ANO2: variants seen among roughly 807,000 people sequenced by gnomAD.
ANO2 encodes anoctamin 2, also known as anoctamin-2.
A neutral mutation model predicts 124.2 loss-of-function variants in ANO2; 101 were observed. The ratio of observed to expected loss-of-function variants is 0.81; its 90% CI spans 0.69 to 0.96. The LOEUF is 0.96. Among genes scored for constraint, ANO2 ranks in the 40% least tolerant of loss-of-function variants. The probability of loss-of-function intolerance (pLI) is 0.00; values close to 1 mark genes in which losing one functional copy is unlikely to be tolerated. For missense variants in ANO2, 1,293 were observed against 1,274.5 expected (o/e 1.01, Z -0.22); for synonymous variants, 486 against 482.5 (o/e 1.01, Z -0.09).
chr12:5,595,814 T>C (rs1943632550), intron 20 of ANO2, among the ~76,000 whole-genome samples: 1 of 152,180 alleles, frequency 6.6e-6, no homozygotes, highest in Non-Finnish European at 1.5e-5. Context: ...GAGTCTAGAA[T>C]ATTCAGGTCA....
At chr12:5,737,829 G>A (rs745775915) in intron 13 of ANO2, among the ~76,000 whole-genome samples, 3 of 152,152 alleles carry the variant, frequency 2.0e-5, no homozygotes, top group Non-Finnish European at 4.4e-5. Context: ...CGCAAGAAAT[G>A]CAACTGTCTT....
chr12:5,923,039 CAT>C (rs1192793884), intron 1 of ANO2, among the ~76,000 whole-genome samples: 4 of 146,036 alleles, frequency 2.7e-5, no homozygotes, highest in African/African-American at 7.9e-5. Context: ...CATACACACA[CAT>C]GCACGCACAC....
intron 13 of ANO2, chr12:5,733,003 C>A: frequency 1.9e-6 from 2 of 1,071,144 alleles, no homozygotes; most frequent in Non-Finnish European, 2.8e-6. Flanking sequence ...GTCATCCCAC[C>A]AACTATCGTC....
In ANO2 at chr12:5,806,033, C is replaced by T. The variant is rs773239164; in HGVS notation, c.990+19G>A. On this transcript the variant is annotated intron_variant, in intron 9 of 24. Transcript: ENST00000682330. ...TCTCGCATGCCCAAAGTCCAGGATG[C>T]TGCACGAGGCAGGCTTACCTTCCTG... is the stretch of plus-strand genomic sequence containing the variant. 4 of 1,613,002 alleles carry T rather than the reference C, an allele frequency of 2.5e-6. No individual in the cohort carries two copies. In the Admixed American group the frequency reaches 6.7e-5, roughly 27 times the overall value.
intron 3 of ANO2, among the ~76,000 whole-genome samples, chr12:5,863,079 G>C (rs1048341469): frequency 6.6e-6 from 1 of 152,084 alleles, no homozygotes; most frequent in Non-Finnish European, 1.5e-5. Flanking sequence ...CACCGTGATT[G>C]GGAGGCCTTC....
At chr12:5,620,378 A>G (rs1292097060) in intron 16 of ANO2, among the ~76,000 whole-genome samples, 2 of 152,148 alleles carry the variant, frequency 1.3e-5, no homozygotes. Context: ...GGGACTTGAG[A>G]GTGGGAAAGC....
At chr12:5,914,204 A>AG (rs1269064309) in intron 3 of ANO2, among the ~76,000 whole-genome samples, 1 of 23,438 alleles carries the variant, frequency 4.3e-5, no homozygotes, top group Non-Finnish European at 1.4e-4. Flanking sequence ...CATCTCAAAA[A>AG]AGAAAAAAAG....
chr12:5,696,448 A>G (rs1949180339), intron 14 of ANO2, among the ~76,000 whole-genome samples: 1 of 152,214 alleles, frequency 6.6e-6, no homozygotes, highest in Non-Finnish European at 1.5e-5. Context: ...GAAAACATGA[A>G]TATAACAAAA....
chr12:5,826,853 C>G (rs1388812130), intron 7 of ANO2, among the ~76,000 whole-genome samples: 1 of 152,156 alleles, frequency 6.6e-6, no homozygotes, highest in Non-Finnish European at 1.5e-5. Flanking sequence ...ATCACCTCCT[C>G]TATTCAGTAG....
rs1555168012 is a variant in ANO2 at position 5,812,591 on chromosome 12, G to GTGGA, written c.893-5224_893-5223insTCCA. ...AAAGAAAAAAAGAAAGAGAAAGAAA[G>GTGGA]AGGAAGAAGAAAAAGGAAGGAAGGT... On this transcript the variant is annotated intron_variant, in intron 7 of 24. Transcript: ENST00000682330. 1.9e-5 allele frequency among the ~76,000 whole-genome samples: 2 copies of GTGGA among 106,990 alleles called. 1 individual carries two copies. The highest frequency in any genetic ancestry group is 3.6e-5 in the Non-Finnish European group (2 of 55,560). The allele number at this position is 106,990 out of a possible 152,430, so 70.2% of individuals were successfully genotyped here.
chr12:5,944,570 T>C (rs1943020252), intron 1 of ANO2, among the ~76,000 whole-genome samples: 1 of 152,204 alleles, frequency 6.6e-6, no homozygotes, highest in Admixed American at 6.5e-5. Flanking sequence ...AAATAACGTC[T>C]TTCTTCTCCA....
At chr12:5,732,450 G>A (rs145999630) in intron 14 of ANO2, 70 bp downstream of exon 14, 59 of 1,357,214 alleles carry the variant, frequency 4.3e-5, no homozygotes, top group South Asian at 9.3e-5. Context: ...TCACTAAGGC[G>A]TGCCAAACAA....
At chr12:5,857,772 TGATAGATAGATAGATAGATAGATAGATA>T (rs59071869) in intron 3 of ANO2, among the ~76,000 whole-genome samples, 2 of 148,290 alleles carry the variant, frequency 1.3e-5, no homozygotes, top group Non-Finnish European at 3.0e-5. Flanking sequence ...AAAAGAAATG[TGATAGATAGATAGATAGATAGATAGATA>T]GATAGATAGA....
At chr12:5,912,862 T>C (rs1941137085) in intron 3 of ANO2, among the ~76,000 whole-genome samples, 1 of 152,122 alleles carries the variant, frequency 6.6e-6, no homozygotes, top group Admixed American at 6.5e-5. Context: ...GCACGACTGT[T>C]CCTACACTCA....
chr12:5,797,397 G>C (rs970390772), intron 10 of ANO2, among the ~76,000 whole-genome samples: 2 of 152,236 alleles, frequency 1.3e-5, no homozygotes, highest in African/African-American at 4.8e-5. Context: ...TGATGAAGAA[G>C]AGGAAGGAGA....
At chr12:5,887,438 T>G (rs1939005878) in intron 3 of ANO2, among the ~76,000 whole-genome samples, 1 of 152,204 alleles carries the variant, frequency 6.6e-6, no homozygotes, top group African/African-American at 2.4e-5. Flanking sequence ...CCACTTCCAC[T>G]GTGGGGGATG....
chr12:5,807,055 C>T (rs1401376947), intron 8 of ANO2, among the ~76,000 whole-genome samples: 1 of 152,128 alleles, frequency 6.6e-6, no homozygotes, highest in Non-Finnish European at 1.5e-5. Context: ...CTAGGGAGTA[C>T]AAGAAAAGCT....
chr12:5,930,832 C>T (rs1456010845), intron 1 of ANO2, among the ~76,000 whole-genome samples: 1 of 152,138 alleles, frequency 6.6e-6, no homozygotes, highest in East Asian at 1.9e-4. Flanking sequence ...GCCACAGTAA[C>T]AGGACTGCTC....
intron 19 of ANO2, among the ~76,000 whole-genome samples, chr12:5,611,461 G>A (rs968745183): frequency 1.3e-5 from 2 of 152,162 alleles, no homozygotes; most frequent in African/African-American, 4.8e-5. Flanking sequence ...TTAGCCATAT[G>A]AGCCATGAGA....
Sources: gnomAD v4.1 joint callset for allele counts (sites outside exome capture counted in the v4.1 genomes callset) on GRCh38, gnomAD v4.1.1 for gene constraint, MANE v1.5 for transcripts, NCBI Gene and HGNC (gene_info 2026-07-23, HGNC 2026-07-21) for gene names.